SH3BP4: variants seen among roughly 807,000 people sequenced by gnomAD.
SH3BP4 encodes the protein SH3 domain-binding protein 4.
Under a neutral mutation model 65.5 loss-of-function variants are expected in SH3BP4, and 33 were observed. The observed-to-expected ratio is 0.50, with a 90% CI of 0.38 to 0.67. The LOEUF is 0.67. SH3BP4 is among the 30% of genes least tolerant of loss of function. The pLI, the probability that SH3BP4 is intolerant of heterozygous loss-of-function variation, is 0.00. For missense variants in SH3BP4, 1,134 were observed against 1,261.4 expected (o/e 0.90, Z 1.53); for synonymous variants, 552 against 545.5 (o/e 1.01, Z -0.17).
intron 1 of SH3BP4, among the ~76,000 whole-genome samples, chr2:234,975,009 G>T (rs1171769663): frequency 6.6e-6 from 1 of 152,176 alleles, no homozygotes; most frequent in Non-Finnish European, 1.5e-5. Context: ...GCCAAGCTCG[G>T]GCGGCAGGCA....
intron 1 of SH3BP4, among the ~76,000 whole-genome samples, chr2:234,955,558 G>A (rs1692567615): frequency 6.6e-6 from 1 of 152,146 alleles, no homozygotes; most frequent in South Asian, 2.1e-4. Context: ...AGTCTTCAGA[G>A]GGCGAGGGAG....
intron 2 of SH3BP4, among the ~76,000 whole-genome samples, chr2:235,010,798 A>G (rs1217342739): frequency 2.8e-5 from 3 of 106,614 alleles, no homozygotes; most frequent in Non-Finnish European, 6.0e-5. Flanking sequence ...TCCTAGGAGA[A>G]ACCTTCCTCC....
intron 1 of SH3BP4, among the ~76,000 whole-genome samples, chr2:234,987,190 T>A (rs1489063389): frequency 6.6e-6 from 1 of 152,118 alleles, no homozygotes; most frequent in East Asian, 1.9e-4. Flanking sequence ...CCCAGCAACC[T>A]GTGTTGTAAT....
At position 235,012,707 on chromosome 2, in the gene SH3BP4, A is replaced by G. The variant is rs1296047755; in HGVS notation, c.-133+17331A>G. Among the ~76,000 whole-genome samples, 78 of 152,164 alleles carry G rather than the reference A, an allele frequency of 5.1e-4. 1 individual carries two copies. The highest frequency in any genetic ancestry group is 5.1e-3 in the Admixed American group (78 of 15,278). ...TTACTCCTCGGAGTGCATTACGCAC[A>G]TCTAACCCTAAAATGCGTTTCCATC... On this transcript the variant is annotated intron_variant, in intron 2 of 5. Coordinates refer to ENST00000392011, the MANE Select transcript of SH3BP4 (RefSeq NM_014521.3).
Position 234,990,699 on chromosome 2 carries a change from T to C in SH3BP4, c.-206-4604T>C, listed in dbSNP as rs567362301. Among the ~76,000 whole-genome samples, 4 of 152,240 alleles carry C rather than the reference T, an allele frequency of 2.6e-5. No homozygotes were observed. In the South Asian group the frequency reaches 8.3e-4, roughly 32 times the overall value. On this transcript the variant is annotated intron_variant, in intron 1 of 5. Coordinates refer to ENST00000392011, the MANE Select transcript of SH3BP4 (RefSeq NM_014521.3). ...GCAACCTCTGAGATGGGCAGAGCCGTGAGAATTACTTTGACGGGGCTGTTG... is the reference window on the plus strand; with the variant it reads ...GCAACCTCTGAGATGGGCAGAGCCGCGAGAATTACTTTGACGGGGCTGTTG...
At chr2:235,043,865 C>T (rs1483094660) in intron 4 of SH3BP4, among the ~76,000 whole-genome samples, 1 of 152,260 alleles carries the variant, frequency 6.6e-6, no homozygotes, top group African/African-American at 2.4e-5. Context: ...ATGGGGTTTA[C>T]GGGGGATCCT....
rs1289744525 is a variant in SH3BP4 at position 235,041,026 on chromosome 2, A to G, written c.257A>G (p.Asp86Gly). ...FSKGDHLYVL[D>G]TSGGEWWYAH... ...AAGGGCGACCATCTCTACGTCTTGG[A>G]CACATCTGGCGGTGAGTGGTGGTAC... is the stretch of plus-strand genomic sequence containing the variant. The change falls in exon 4 of 6, where the codon GAC (aspartate) becomes GGC (glycine). Residue 86 changes from aspartate (D) to glycine (G), a missense_variant. Physicochemically the swap from Asp to Gly is moderately conservative, Grantham distance 94. Transcript: ENST00000392011. This position sits in a 1 kb window ranked among gnomAD's most constrained non-coding sequence, Gnocchi z 6.0. 1.4e-5 allele frequency: 23 copies of G among 1,614,144 alleles called. No homozygotes were observed. Among genetic ancestry groups the G allele is most frequent in the Non-Finnish European group, 1.9e-5 (23 of 1,180,030 alleles).
chr2:235,042,768 C>A lies in SH3BP4; in HGVS notation c.1999C>A (p.Arg667=). 6.2e-7 allele frequency: 1 copy of A among 1,614,156 alleles called. No homozygotes were observed. Among genetic ancestry groups the A allele is most frequent in the African/African-American group, 1.3e-5 (1 of 75,050 alleles). The change falls in exon 4 of 6, where the codon CGG becomes AGG. Residue 667 remains arginine, a synonymous_variant. Coordinates refer to ENST00000392011, the MANE Select transcript of SH3BP4 (RefSeq NM_014521.3). The surrounding 1 kb of genome is among the most constrained non-coding windows in gnomAD (Gnocchi z 7.3). Reference sequence around the variant, plus strand: ...TGGTAAGTTGCTCAAGACTGTGGTGCGGCAGAACAAGAACCACTACCTGCT... The same window carrying A: ...TGGTAAGTTGCTCAAGACTGTGGTGAGGCAGAACAAGAACCACTACCTGCT... The part of the protein sequence containing the change: ...KFGKLLKTVV[R]QNKNHYLLEY...
rs1373281940 is a variant in SH3BP4 at position 235,034,187 on chromosome 2, G to A, written c.-132-684G>A. On this transcript the variant is annotated intron_variant, in intron 2 of 5. Transcript: ENST00000392011. The surrounding 1 kb of genome is among the most constrained non-coding windows in gnomAD (Gnocchi z 6.2). ...CAGAAAAAAAAAGCAGAGGCCTTAG[G>A]GGTGATTCTTGTGGTCTCTTCCACG... Among the ~76,000 whole-genome samples, 2 of 152,134 alleles carry A rather than the reference G, an allele frequency of 1.3e-5. No homozygotes were observed. Among genetic ancestry groups the A allele is most frequent in the Admixed American group, 6.5e-5 (1 of 15,274 alleles).
intron 2 of SH3BP4, 76 bp downstream of exon 2, chr2:234,995,452 A>C (rs1458087639): frequency 6.6e-6 from 1 of 152,076 alleles, no homozygotes; most frequent in Non-Finnish European, 1.5e-5. Flanking sequence ...AAGGTGCCGG[A>C]CTCATGGGGA....
intron 1 of SH3BP4, among the ~76,000 whole-genome samples, chr2:234,963,605 A>G (rs1692766685): frequency 6.6e-6 from 1 of 152,246 alleles, no homozygotes; most frequent in Non-Finnish European, 1.5e-5. Context: ...ATGCACACAT[A>G]CATGCCAGCT....
chr2:234,953,772 A>T (rs1692529375), intron 1 of SH3BP4, among the ~76,000 whole-genome samples: 1 of 152,004 alleles, frequency 6.6e-6, no homozygotes, highest in Non-Finnish European at 1.5e-5. Context: ...TGCCCAGGAA[A>T]CAGACTCCAG....
At chr2:234,954,363 A>G (rs1272828846) in intron 1 of SH3BP4, among the ~76,000 whole-genome samples, 1 of 152,122 alleles carries the variant, frequency 6.6e-6, no homozygotes, top group African/African-American at 2.4e-5. Flanking sequence ...TCTTTCTGTA[A>G]CCGTCTGTCG....
intron 1 of SH3BP4, among the ~76,000 whole-genome samples, chr2:234,954,928 C>T (rs1201310768): frequency 7.9e-5 from 12 of 152,178 alleles, no homozygotes; most frequent in African/African-American, 2.9e-4. Context: ...TCCAGGCAGA[C>T]CTCCCAGTTC....
chr2:235,025,788 TGCAAAG>T (rs2106314785), intron 2 of SH3BP4, among the ~76,000 whole-genome samples: 1 of 152,328 alleles, frequency 6.6e-6, no homozygotes, highest in South Asian at 2.1e-4. Context: ...GACTTCCATT[TGCAAAG>T]GCAAAGGCAC....
At chr2:234,972,016 C>T (rs1214607326) in intron 1 of SH3BP4, among the ~76,000 whole-genome samples, 1 of 151,636 alleles carries the variant, frequency 6.6e-6, no homozygotes, top group Admixed American at 6.6e-5. Context: ...GGGGTTTCAC[C>T]ATGTTGGCCA....
intron 1 of SH3BP4, among the ~76,000 whole-genome samples, chr2:234,971,840 C>T (rs926388197): frequency 2.6e-5 from 4 of 151,544 alleles, no homozygotes; most frequent in South Asian, 2.1e-4. Context: ...TTTTTTGAGA[C>T]GGAGTCTTGC....
At position 235,007,763 on chromosome 2, in the gene SH3BP4, C is replaced by T. The variant is rs191617223; in HGVS notation, c.-133+12387C>T. Among the ~76,000 whole-genome samples, 657 of 152,226 alleles carry T rather than the reference C, an allele frequency of 4.3e-3. 5 individuals are homozygous for T. The highest frequency in any genetic ancestry group is 0.015 in the African/African-American group (629 of 41,544). Reference sequence around the variant, plus strand: ...GCCCGGGCTGCGGCCATCCTGAGCCCGTGGGGGCAGTTATGGGTAGTGCTG... The same window carrying T: ...GCCCGGGCTGCGGCCATCCTGAGCCTGTGGGGGCAGTTATGGGTAGTGCTG... On this transcript the variant is annotated intron_variant, in intron 2 of 5. Transcript: ENST00000392011.
chr2:234,993,355 C>G (rs186077698), intron 1 of SH3BP4, among the ~76,000 whole-genome samples: 1 of 152,196 alleles, frequency 6.6e-6, no homozygotes, highest in African/African-American at 2.4e-5. Context: ...TCCTTTATGA[C>G]GGCTTGCGAT....
Sources: gnomAD v4.1 joint callset for allele counts (sites outside exome capture counted in the v4.1 genomes callset) on GRCh38, gnomAD v4.1.1 for gene constraint, Gnocchi (gnomAD v3.1) non-coding constraint, MANE v1.5 for transcripts, NCBI Gene and HGNC (gene_info 2026-07-23, HGNC 2026-07-21) for gene names.